RBM33: variants seen among roughly 807,000 people sequenced by gnomAD.
RBM33 encodes RNA binding motif protein 33, also known as RNA-binding protein 33.
In RBM33, 28 loss-of-function variants were observed where a neutral mutation model predicts 132.6. That is an observed-to-expected ratio of 0.21 (90% CI 0.16 to 0.29). The LOEUF (loss-of-function observed/expected upper bound fraction) is 0.29. RBM33 is among the 10% of genes least tolerant of loss of function. RBM33 has a pLI of 1.00. For missense variants in RBM33, 1,291 were observed against 1,518.5 expected (o/e 0.85, Z 2.49); for synonymous variants, 634 against 593.0 (o/e 1.07, Z -1.01).
intron 1 of RBM33, among the ~76,000 whole-genome samples, chr7:155,652,089 G>A (rs555368001): frequency 1.8e-4 from 28 of 152,254 alleles, no homozygotes; most frequent in African/African-American, 6.0e-4. Context: ...TTTAAATAAA[G>A]GATCTGGATT....
At chr7:155,771,600 A>G (rs1184466170) in intron 16 of RBM33, among the ~76,000 whole-genome samples, 1 of 152,188 alleles carries the variant, frequency 6.6e-6, no homozygotes, top group Non-Finnish European at 1.5e-5. Flanking sequence ...GATACCAAAT[A>G]TTGTATGATT....
chr7:155,714,916 C>A (rs1585477385), intron 8 of RBM33, among the ~76,000 whole-genome samples: 1 of 152,098 alleles, frequency 6.6e-6, no homozygotes, highest in Admixed American at 6.5e-5. Flanking sequence ...ACGGGCTGGC[C>A]CAGAGTGTAA....
At chr7:155,673,942 T>TGTTGTTTTTTTTTTG (rs780547846) in intron 3 of RBM33, among the ~76,000 whole-genome samples, 397 of 31,342 alleles carry the variant, frequency 0.013, 47 homozygotes, top group African/African-American at 0.031. Flanking sequence ...TAGGCTTAGT[T>TGTTGTTTTTTTTTTG]TTTTTTTTTT....
chr7:155,707,633 AAGAC>A (rs1800153617), intron 7 of RBM33, among the ~76,000 whole-genome samples: 1 of 152,100 alleles, frequency 6.6e-6, no homozygotes, highest in Admixed American at 6.5e-5. Flanking sequence ...CTCAGAAACA[AAGAC>A]AGAAATTATT....
chr7:155,700,263 G>A (rs1374637351), intron 5 of RBM33, among the ~76,000 whole-genome samples: 5 of 152,176 alleles, frequency 3.3e-5, no homozygotes, highest in Non-Finnish European at 5.9e-5. Context: ...AATGATGAAA[G>A]GATTTTGGAG....
intron 9 of RBM33, among the ~76,000 whole-genome samples, chr7:155,722,995 A>T (rs1042394899): frequency 6.6e-6 from 1 of 152,214 alleles, no homozygotes; most frequent in Non-Finnish European, 1.5e-5. Context: ...GTTTGAATGC[A>T]TCTTCTTAAC....
intron 3 of RBM33, among the ~76,000 whole-genome samples, chr7:155,675,267 C>T (rs1799144591): frequency 7.1e-6 from 1 of 141,350 alleles, no homozygotes; most frequent in Admixed American, 7.8e-5. Flanking sequence ...GTACTCTAGC[C>T]TGGGAGACGG....
Position 155,735,662 on chromosome 7 carries a change from C to T in RBM33, c.1261-1868C>T, listed in dbSNP as rs987949388. ...ACAATGAGCTGATTGCGCCACTGCA[C>T]TCCAGCCTGGGTAACAGAGCAAGAC... On this transcript the variant is annotated intron_variant, in intron 9 of 17. Transcript: ENST00000401878. Among the ~76,000 whole-genome samples, 3 of 151,882 alleles carry T rather than the reference C, an allele frequency of 2.0e-5. No homozygotes were observed. In the South Asian group the frequency reaches 6.2e-4, roughly 32 times the overall value.
At chr7:155,760,103 C>A (rs183091032) in intron 14 of RBM33, among the ~76,000 whole-genome samples, 42 of 152,322 alleles carry the variant, frequency 2.8e-4, no homozygotes, top group Non-Finnish European at 2.2e-4. Flanking sequence ...AAAGTACAGG[C>A]AACTATTTAC....
chr7:155,737,982 G>T, intron 10 of RBM33, 78 bp from the exon 11 acceptor site: 2 of 1,262,412 alleles, frequency 1.6e-6, no homozygotes, highest in Non-Finnish European at 2.3e-6. Flanking sequence ...TCCACAGTAG[G>T]ATAGTGCTTC....
chr7:155,733,429 A>G (rs1170316553), intron 9 of RBM33, among the ~76,000 whole-genome samples: 1 of 88,664 alleles, frequency 1.1e-5, no homozygotes, highest in Non-Finnish European at 2.3e-5. Flanking sequence ...GAGTGAACTT[A>G]CAGAAAAATA....
At chr7:155,701,241 G>T in intron 6 of RBM33, 2 of 476,190 alleles carry the variant, frequency 4.2e-6, no homozygotes, top group South Asian at 3.5e-5. Flanking sequence ...TTCCTGGCTG[G>T]TCTTGAAAAG....
intron 5 of RBM33, among the ~76,000 whole-genome samples, chr7:155,697,248 ATTTTTGAGTGT>A (rs920978280): frequency 2.0e-5 from 3 of 152,120 alleles, no homozygotes; most frequent in African/African-American, 7.2e-5. Context: ...GATTTGACTG[ATTTTTGAGTGT>A]TAACGTCATG....
At chr7:155,734,488 A>G (rs975894909) in intron 9 of RBM33, among the ~76,000 whole-genome samples, 5 of 152,182 alleles carry the variant, frequency 3.3e-5, no homozygotes, top group African/African-American at 9.7e-5. Flanking sequence ...CTAAAATGTC[A>G]TACCCATTTT....
At chr7:155,736,616 A>G (rs1414625242) in intron 9 of RBM33, among the ~76,000 whole-genome samples, 1 of 152,236 alleles carries the variant, frequency 6.6e-6, no homozygotes, top group Non-Finnish European at 1.5e-5. Context: ...TTTTTTATCC[A>G]GAGGACTCTG....
rs932140525 is a variant in RBM33 at position 155,745,904 on chromosome 7, C to G, written c.2979+302C>G. ...GGTACAGCCTGTTGCTCCCTGGCCA[C>G]AAGCCTGTGCAGCATGTTACTGTGC... is the stretch of plus-strand genomic sequence containing the variant. On this transcript the variant is annotated intron_variant, in intron 14 of 17. Transcript: ENST00000401878. The surrounding 1 kb of genome is among the most constrained non-coding windows in gnomAD (Gnocchi z 4.1). 6.6e-6 allele frequency among the ~76,000 whole-genome samples: 1 copy of G among 152,210 alleles called. No individual in the cohort carries two copies. Among genetic ancestry groups the G allele is most frequent in the Non-Finnish European group, 1.5e-5 (1 of 68,028 alleles).
chr7:155,696,451 A>G (rs1009527531), intron 5 of RBM33, among the ~76,000 whole-genome samples: 1 of 152,174 alleles, frequency 6.6e-6, no homozygotes, highest in Non-Finnish European at 1.5e-5. Context: ...GTACTCTGTG[A>G]CTAGAAACAT....
intron 1 of RBM33, among the ~76,000 whole-genome samples, chr7:155,654,720 T>C (rs1795392316): frequency 6.6e-6 from 1 of 152,240 alleles, no homozygotes; most frequent in South Asian, 2.1e-4. Context: ...TGTATATTTT[T>C]TGGAATCTTT....
chr7:155,745,519 A>G lies in RBM33; in HGVS notation c.2896A>G (p.Thr966Ala). The stretch of plus-strand genomic sequence containing the variant: ...GGACACAAAGCCTGGCGTGAAAAGG[A>G]CTGTCACGCACAGGACAAACAGTGG... ...PQDTKPGVKR[T>A]VTHRTNSGGG... is the part of the protein sequence containing the mutation. The change falls in exon 14 of 18, where the codon ACT becomes GCT. Residue 966 changes from threonine to alanine, a missense_variant. Transcript: ENST00000401878. This position sits in a 1 kb window ranked among gnomAD's most constrained non-coding sequence, Gnocchi z 4.1. 1 of 1,612,880 alleles carries G rather than the reference A, an allele frequency of 6.2e-7. No individual in the cohort carries two copies. Among genetic ancestry groups the G allele is most frequent in the Non-Finnish European group, 8.5e-7 (1 of 1,179,480 alleles).
Sources: allele counts gnomAD v4.1 joint callset (sites outside exome capture counted in the v4.1 genomes callset), GRCh38; gene constraint gnomAD v4.1.1; non-coding constraint Gnocchi (gnomAD v3.1); transcripts MANE v1.5; gene names NCBI Gene and HGNC (gene_info 2026-07-23, HGNC 2026-07-21).